Variants in ESRRG observed in about 807,000 individuals in gnomAD.
ESRRG encodes the protein estrogen related receptor gamma, also known as estrogen-related receptor gamma.
In ESRRG, 13 loss-of-function variants were observed where a neutral mutation model predicts 44.0. The observed-to-expected ratio is 0.30, with a 90% CI of 0.19 to 0.47. ESRRG has a LOEUF of 0.47. ESRRG is among the 20% of genes least tolerant of loss of function. The pLI is 1.00. For missense variants in ESRRG, 395 were observed against 580.6 expected (o/e 0.68, Z 3.29); for synonymous variants, 215 against 214.6 (o/e 1.00, Z -0.02).
At chr1:216,781,249 G>A (rs2093924123) in intron 2 of ESRRG, among the ~76,000 whole-genome samples, 1 of 151,798 alleles carries the variant, frequency 6.6e-6, no homozygotes, top group Admixed American at 6.6e-5. Flanking sequence ...ACTGTGTGCA[G>A]TGCTAGGAAT....
intron 5 of ESRRG, among the ~76,000 whole-genome samples, chr1:216,546,684 TAA>T (rs1004867909): frequency 6.8e-6 from 1 of 147,734 alleles, no homozygotes. Context: ...CTATGTGCTT[TAA>T]AAAAAAAAAT....
intron 2 of ESRRG, among the ~76,000 whole-genome samples, chr1:216,873,209 G>GTTCT (rs2096282596): frequency 9.4e-6 from 1 of 105,948 alleles, no homozygotes; most frequent in East Asian, 2.8e-4. Flanking sequence ...CATCTTTTCA[G>GTTCT]TTTTTTTTTT....
chr1:216,555,060 T>C lies in ESRRG; in HGVS notation c.862+9159A>G, dbSNP rs915231744. On this transcript the variant is annotated intron_variant, in intron 5 of 6. Coordinates refer to ENST00000408911, the MANE Select transcript of ESRRG (RefSeq NM_001438.4). ...CTTTTCTTCATCCACACCAGCACCATTGCCTTTCACACATCAAAACCACAC... is the reference window on the plus strand; with the variant it reads ...CTTTTCTTCATCCACACCAGCACCACTGCCTTTCACACATCAAAACCACAC... Among the ~76,000 whole-genome samples, 17 of 152,146 alleles carry C rather than the reference T, an allele frequency of 1.1e-4. 1 individual carries two copies. Among genetic ancestry groups the C allele is most frequent in the South Asian group, 2.1e-4 (1 of 4,824 alleles).
At chr1:216,567,600 T>C (rs1038788101) in intron 4 of ESRRG, among the ~76,000 whole-genome samples, 2 of 152,192 alleles carry the variant, frequency 1.3e-5, no homozygotes, top group East Asian at 1.9e-4. Context: ...CAAAAATCAC[T>C]TTCTTGTGAA....
chr1:216,654,251 T>C (rs1269377251), intron 2 of ESRRG, among the ~76,000 whole-genome samples: 9 of 152,114 alleles, frequency 5.9e-5, no homozygotes, highest in Non-Finnish European at 1.0e-4. Flanking sequence ...TAATGCAGTG[T>C]CACAGGATCA....
chr1:216,930,434 C>T (rs2063184311), intron 2 of ESRRG, among the ~76,000 whole-genome samples: 1 of 152,172 alleles, frequency 6.6e-6, no homozygotes, highest in African/African-American at 2.4e-5. Flanking sequence ...GCTTCAACCC[C>T]CCATTTTCAG....
At chr1:216,792,720 C>T (rs1339989572) in intron 2 of ESRRG, among the ~76,000 whole-genome samples, 1 of 152,138 alleles carries the variant, frequency 6.6e-6, no homozygotes, top group African/African-American at 2.4e-5. Flanking sequence ...TTTGCAAATG[C>T]ACTCACAAAA....
intron 2 of ESRRG, among the ~76,000 whole-genome samples, chr1:216,902,282 A>T (rs769777611): frequency 1.3e-5 from 2 of 152,182 alleles, no homozygotes; most frequent in Non-Finnish European, 2.9e-5. Flanking sequence ...TGAGGTCAGG[A>T]GTTTCAGACC....
At chr1:216,892,865 C>T (rs937381992) in intron 2 of ESRRG, among the ~76,000 whole-genome samples, 1 of 152,092 alleles carries the variant, frequency 6.6e-6, no homozygotes, top group African/African-American at 2.4e-5. Context: ...AGCCCAACTC[C>T]TCCCCTCACT....
At chr1:216,690,769 A>T (rs1251258975) in intron 1 of ESRRG, among the ~76,000 whole-genome samples, 1 of 152,134 alleles carries the variant, frequency 6.6e-6, no homozygotes, top group African/African-American at 2.4e-5. Flanking sequence ...CACACAATGG[A>T]CTAGGGAAGT....
At chr1:216,630,167 T>C (rs2063890364) in intron 3 of ESRRG, among the ~76,000 whole-genome samples, 1 of 152,188 alleles carries the variant, frequency 6.6e-6, no homozygotes, top group African/African-American at 2.4e-5. Context: ...GGGGAAGTGC[T>C]ATGAAAAACT....
intron 1 of ESRRG, among the ~76,000 whole-genome samples, chr1:217,042,870 C>G (rs1217604479): frequency 6.6e-6 from 1 of 152,106 alleles, no homozygotes; most frequent in Non-Finnish European, 1.5e-5. Flanking sequence ...TCCACTGTGC[C>G]ATGAGGTATG....
chr1:216,942,862 T>C (rs2065473583), intron 1 of ESRRG, among the ~76,000 whole-genome samples: 1 of 152,194 alleles, frequency 6.6e-6, no homozygotes, highest in Non-Finnish European at 1.5e-5. Context: ...ATTCTGTAGG[T>C]TGTCTCTCTT....
chr1:217,093,235 C>G (rs1056988088), upstream of ESRRG, among the ~76,000 whole-genome samples: 1 of 152,164 alleles, frequency 6.6e-6, no homozygotes, highest in African/African-American at 2.4e-5. Context: ...TTTAACCATT[C>G]TGGGCCTCAG....
At chr1:216,870,567 T>C (rs1025144844) in intron 2 of ESRRG, among the ~76,000 whole-genome samples, 1 of 151,936 alleles carries the variant, frequency 6.6e-6, no homozygotes, top group African/African-American at 2.4e-5. Flanking sequence ...CTGAAGGAAA[T>C]TTTTTGGAAT....
intron 1 of ESRRG, among the ~76,000 whole-genome samples, chr1:216,711,866 G>T (rs1199371779): frequency 1.3e-5 from 2 of 152,272 alleles, no homozygotes; most frequent in Admixed American, 6.5e-5. Flanking sequence ...GAATGGTAGA[G>T]AAATAAATTC....
At chr1:216,967,207 C>T in intron 1 of ESRRG, among the ~76,000 whole-genome samples, 1 of 152,018 alleles carries the variant, frequency 6.6e-6, no homozygotes, top group East Asian at 1.9e-4. Flanking sequence ...CAGAGGGGTA[C>T]ATTTGCTACA....
chr1:216,918,856 A>C (rs1211202319), intron 2 of ESRRG, among the ~76,000 whole-genome samples: 10 of 148,302 alleles, frequency 6.7e-5, no homozygotes, highest in Non-Finnish European at 1.5e-4. Context: ...ATAATAATAT[A>C]TATATTATAG....
At chr1:216,615,760 T>TG (rs1452635983) in intron 3 of ESRRG, among the ~76,000 whole-genome samples, 2 of 142,358 alleles carry the variant, frequency 1.4e-5, no homozygotes, top group African/African-American at 5.3e-5. Context: ...TTTCCTGAGA[T>TG]GGAGTCTCAC....
Sources: gnomAD v4.1 joint callset for allele counts (sites outside exome capture counted in the v4.1 genomes callset) on GRCh38, gnomAD v4.1.1 for gene constraint, MANE v1.5 for transcripts, NCBI Gene and HGNC (gene_info 2026-07-23, HGNC 2026-07-21) for gene names.